Variants in NDRG1 observed in about 807,000 individuals in gnomAD.
NDRG1 encodes the protein protein NDRG1.
NDRG1 carries 32 observed loss-of-function variants against 56.9 expected under a neutral mutation model. The observed-to-expected ratio is 0.56, with a 90% confidence interval of 0.42 to 0.76. The LOEUF is 0.76. NDRG1 is among the 30% of genes least tolerant of loss of function. The pLI, the probability that NDRG1 is intolerant of heterozygous loss-of-function variation, is 0.00. For missense variants in NDRG1, 507 were observed against 545.7 expected, an observed-to-expected ratio of 0.93 and a Z score of 0.71; for synonymous variants, 211 against 204.1, an observed-to-expected ratio of 1.03 and a Z score of -0.29.
At chr8:133,243,816 G>C (rs1293371643) in intron 14 of NDRG1, among the ~76,000 whole-genome samples, 1 of 152,208 alleles carries the variant, frequency 6.6e-6, no homozygotes, top group Non-Finnish European at 1.5e-5. Flanking sequence ...TGTTAGGTTG[G>C]TGAGATTCTT....
intron 2 of NDRG1, among the ~76,000 whole-genome samples, chr8:133,281,881 G>A (rs538163107): frequency 6.6e-6 from 1 of 152,148 alleles, no homozygotes; most frequent in Non-Finnish European, 1.5e-5. Flanking sequence ...GTACTGGTGG[G>A]AAAGAATGGG....
chr8:133,267,206 G>T (rs949210780), intron 3 of NDRG1, among the ~76,000 whole-genome samples: 1 of 152,146 alleles, frequency 6.6e-6, no homozygotes, highest in Non-Finnish European at 1.5e-5. Flanking sequence ...GCAGAGGGTG[G>T]TCGTGACTCT....
At chr8:133,247,358 C>G (rs2130687356) in intron 12 of NDRG1, among the ~76,000 whole-genome samples, 1 of 152,352 alleles carries the variant, frequency 6.6e-6, no homozygotes, top group Non-Finnish European at 1.5e-5. Context: ...CTGCAGGACT[C>G]TGATCCATAG....
chr8:133,252,405 G>A (rs1856103196), intron 9 of NDRG1, among the ~76,000 whole-genome samples: 1 of 152,150 alleles, frequency 6.6e-6, no homozygotes, highest in African/African-American at 2.4e-5. Context: ...CACTTTCGCT[G>A]TTCTAAGCCA....
At chr8:133,294,026 C>G (rs1026371812) in intron 1 of NDRG1, among the ~76,000 whole-genome samples, 1 of 152,188 alleles carries the variant, frequency 6.6e-6, no homozygotes, top group Non-Finnish European at 1.5e-5. Context: ...TCCACATGCT[C>G]AGTGCTGTTC....
intron 10 of NDRG1, among the ~76,000 whole-genome samples, chr8:133,250,236 C>G (rs1464358939): frequency 6.6e-6 from 1 of 152,150 alleles, no homozygotes; most frequent in African/African-American, 2.4e-5. Context: ...TGTTCAGATC[C>G]CTGCAAGGCG....
intron 14 of NDRG1, 30 bp downstream of exon 14, chr8:133,244,325 G>A: frequency 6.2e-7 from 1 of 1,613,924 alleles, no homozygotes; most frequent in Non-Finnish European, 8.5e-7. Context: ...AGCGACAGCT[G>A]TATAATGCAA....
intron 1 of NDRG1, chr8:133,284,972 G>T (rs1417137669): frequency 2.5e-6 from 1 of 397,246 alleles, no homozygotes; most frequent in Non-Finnish European, 5.1e-6. Context: ...GTACAATTTT[G>T]TAAGAAAAAA....
chr8:133,251,803 G>A (rs561588460), intron 9 of NDRG1, among the ~76,000 whole-genome samples: 2 of 152,318 alleles, frequency 1.3e-5, no homozygotes, highest in East Asian at 1.9e-4. Flanking sequence ...ATTAATTAAG[G>A]ATCTTGAGAT....
intron 5 of NDRG1, among the ~76,000 whole-genome samples, chr8:133,260,411 T>C: frequency 6.6e-6 from 1 of 152,186 alleles, no homozygotes; most frequent in East Asian, 1.9e-4. Context: ...CAGGTCCCAC[T>C]CTGACAGTGG....
intron 15 of NDRG1, chr8:133,239,357 C>A (rs1855254907): frequency 1.5e-6 from 1 of 662,090 alleles, no homozygotes; most frequent in Non-Finnish European, 2.6e-6. Context: ...GAACCCAGAT[C>A]TGGGTCTGAA....
intron 1 of NDRG1, among the ~76,000 whole-genome samples, chr8:133,292,984 G>A (rs1302839110): frequency 6.6e-6 from 1 of 152,212 alleles, no homozygotes; most frequent in Non-Finnish European, 1.5e-5. Flanking sequence ...GAAAGTCAAA[G>A]ATCTGGGTCA....
chr8:133,280,982 A>T (rs1857763927), intron 2 of NDRG1: 1 of 152,262 alleles, frequency 6.6e-6, no homozygotes, highest in Non-Finnish European at 1.5e-5. Context: ...GGCTGCTGTC[A>T]TCTGGACCTG....
intron 1 of NDRG1, among the ~76,000 whole-genome samples, chr8:133,286,217 T>C (rs983320709): frequency 1.3e-5 from 2 of 152,208 alleles, no homozygotes; most frequent in African/African-American, 2.4e-5. Context: ...AAATGAGCAA[T>C]GTAGCTCAAC....
chr8:133,268,214 AC>A (rs1292766382), intron 3 of NDRG1, among the ~76,000 whole-genome samples: 3 of 151,884 alleles, frequency 2.0e-5, no homozygotes, highest in Admixed American at 6.6e-5. Context: ...TGAGCATTAC[AC>A]CCTAGAAAGG....
intron 15 of NDRG1, chr8:133,239,613 G>C (rs1006908129): frequency 5.3e-6 from 1 of 188,976 alleles, no homozygotes; most frequent in East Asian, 1.3e-4. Context: ...ATGGCTATTC[G>C]TTGTCATCTC....
At chr8:133,259,447 G>A in intron 5 of NDRG1, 1 of 601,576 alleles carries the variant, frequency 1.7e-6, no homozygotes, top group South Asian at 1.9e-5. Context: ...GACACATTCT[G>A]GGAATTAGCT....
intron 1 of NDRG1, among the ~76,000 whole-genome samples, chr8:133,296,292 C>G (rs887161283): frequency 6.6e-5 from 10 of 152,088 alleles, no homozygotes; most frequent in Non-Finnish European, 1.5e-5. Context: ...GCGAAAATGA[C>G]GCCACTCCTA....
At chr8:133,266,517 A>T (rs1256931194) in intron 3 of NDRG1, among the ~76,000 whole-genome samples, 1 of 152,148 alleles carries the variant, frequency 6.6e-6, no homozygotes, top group Admixed American at 6.5e-5. Context: ...TCTTTAAAAC[A>T]GGAACAGCCT....
Sources: gnomAD v4.1 joint callset for allele counts (sites outside exome capture counted in the v4.1 genomes callset) on GRCh38, gnomAD v4.1.1 for gene constraint, MANE v1.5 for transcripts, NCBI Gene and HGNC (gene_info 2026-07-23, HGNC 2026-07-21) for gene names.